The following HELLS variants were observed in gnomAD, a reference collection of about 807,000 sequenced individuals.
HELLS encodes helicase, lymphoid specific.
A neutral mutation model predicts 120.0 loss-of-function variants in HELLS; 32 were observed. The ratio of observed to expected loss-of-function variants is 0.27; its 90% CI spans 0.20 to 0.36. HELLS has a LOEUF of 0.36. HELLS is among the 10% of genes least tolerant of loss of function. HELLS has a pLI of 1.00. For synonymous variants in HELLS, 341 were observed against 323.4 expected (o/e 1.05, Z -0.58); for missense variants, 650 against 993.4 (o/e 0.65, Z 4.65).
intron 9 of HELLS, among the ~76,000 whole-genome samples, chr10:94,576,261 A>G (rs1198465214): frequency 6.6e-6 from 1 of 152,104 alleles, no homozygotes; most frequent in African/African-American, 2.4e-5. Context: ...TGAACCTCCC[A>G]TCTCACTCCA....
chr10:94,547,809 T>C (rs896133563), intron 2 of HELLS, among the ~76,000 whole-genome samples: 11 of 152,214 alleles, frequency 7.2e-5, no homozygotes, highest in African/African-American at 1.7e-4. Flanking sequence ...GTGTAGGCCA[T>C]GTGGTTCTAG....
At chr10:94,583,085 TA>T in intron 12 of HELLS, 26 bp downstream of exon 12, 1 of 1,351,714 alleles carries the variant, frequency 7.4e-7, no homozygotes, top group Non-Finnish European at 1.0e-6. Flanking sequence ...TTATTCTGCT[TA>T]ACCATAGGCT....
chr10:94,595,094 G>C (rs1021058410), intron 19 of HELLS, among the ~76,000 whole-genome samples: 2 of 151,506 alleles, frequency 1.3e-5, no homozygotes, highest in African/African-American at 4.9e-5. Context: ...TGGGCTCGGT[G>C]GCGGGCGCCT....
Position 94,576,666 on chromosome 10 carries a change from C to T in HELLS, c.893C>T (p.Pro298Leu), listed in dbSNP as rs886158385. ...AATCAATATAAAATTTTTCAGATCCCTACAATGTTATATCATGGAACCCAG... is the reference window on the plus strand; with the variant it reads ...AATCAATATAAAATTTTTCAGATCCTTACAATGTTATATCATGGAACCCAG... ...AEFKRFTPDI[P>L]TMLYHGTQEE... The change falls in exon 10 of 22, where the codon CCT becomes CTT. Residue 298 changes from proline to leucine, a missense_variant. Physicochemically the swap from Pro to Leu is moderately conservative, Grantham distance 98. Transcript: ENST00000348459. 1 of 1,580,512 alleles carries T rather than the reference C, an allele frequency of 6.3e-7. No homozygotes were observed. Among genetic ancestry groups the T allele is most frequent in the Non-Finnish European group, 8.6e-7 (1 of 1,157,160 alleles).
At chr10:94,573,237 C>A (rs889488783) in intron 7 of HELLS, among the ~76,000 whole-genome samples, 2 of 152,124 alleles carry the variant, frequency 1.3e-5, no homozygotes, top group African/African-American at 4.8e-5. Context: ...GGATTACAGG[C>A]GTGAGCCACC....
At chr10:94,554,525 T>C (rs954590444) in intron 3 of HELLS, among the ~76,000 whole-genome samples, 2 of 152,204 alleles carry the variant, frequency 1.3e-5, no homozygotes, top group Non-Finnish European at 2.9e-5. Context: ...AGTATTGTTT[T>C]TTCCTAGAAA....
At chr10:94,552,268 A>G (rs903287646) in intron 2 of HELLS, among the ~76,000 whole-genome samples, 3 of 152,216 alleles carry the variant, frequency 2.0e-5, no homozygotes, top group Non-Finnish European at 2.9e-5. Context: ...AAACATATCT[A>G]CTATCTAATC....
intron 6 of HELLS, among the ~76,000 whole-genome samples, chr10:94,568,649 T>C (rs1198957643): frequency 6.6e-6 from 1 of 152,212 alleles, no homozygotes; most frequent in African/African-American, 2.4e-5. Context: ...CATTACTTTT[T>C]ATGGTTTCAC....
intron 6 of HELLS, among the ~76,000 whole-genome samples, chr10:94,568,185 G>T (rs970253621): frequency 6.6e-6 from 1 of 151,100 alleles, no homozygotes; most frequent in Non-Finnish European, 1.5e-5. Context: ...TGGGATTACA[G>T]GCGTGAGCCA....
At chr10:94,591,205 T>C (rs961684210) in intron 15 of HELLS, among the ~76,000 whole-genome samples, 10 of 152,224 alleles carry the variant, frequency 6.6e-5, no homozygotes, top group African/African-American at 2.4e-4. Flanking sequence ...GTAATTGATT[T>C]GTACTCTGCA....
chr10:94,573,108 T>C (rs909231231), intron 7 of HELLS, among the ~76,000 whole-genome samples: 23 of 151,878 alleles, frequency 1.5e-4, no homozygotes, highest in Admixed American at 1.1e-3. Context: ...AACAGGCTCA[T>C]GCCACCATGT....
intron 9 of HELLS, among the ~76,000 whole-genome samples, chr10:94,609,225 G>A (rs1484764506): frequency 2.0e-5 from 3 of 151,902 alleles, no homozygotes; most frequent in African/African-American, 4.8e-5. Flanking sequence ...GTTTCTCCAT[G>A]TTGGTCAGGC....
At chr10:94,590,247 C>G (rs1845415440) in intron 13 of HELLS, among the ~76,000 whole-genome samples, 166 bp from the exon 14 acceptor site, 1 of 152,182 alleles carries the variant, frequency 6.6e-6, no homozygotes, top group Non-Finnish European at 1.5e-5. Context: ...CTTCCTCTTA[C>G]TTTCAGATAT....
At chr10:94,607,039 T>C (rs1846136766), downstream of HELLS, among the ~76,000 whole-genome samples, 1 of 152,212 alleles carries the variant, frequency 6.6e-6, no homozygotes, top group African/African-American at 2.4e-5. Flanking sequence ...ATTAGAGATT[T>C]TACTGTTCAA....
chr10:94,595,623 T>G (rs1322100788), intron 19 of HELLS, among the ~76,000 whole-genome samples: 1 of 152,198 alleles, frequency 6.6e-6, no homozygotes, highest in Non-Finnish European at 1.5e-5. Context: ...CAACAATGCT[T>G]TTTAATCTAG....
chr10:94,582,365 T>C (rs1453174342), intron 11 of HELLS, among the ~76,000 whole-genome samples: 1 of 152,156 alleles, frequency 6.6e-6, no homozygotes, highest in Non-Finnish European at 1.5e-5. Context: ...TTGAACATGC[T>C]TCTGGTGATC....
rs1300735603 is a variant in HELLS, at chr10:94,590,498, C to G, written c.1574C>G (p.Pro525Arg). Residue 525 changes from proline to arginine, a missense_variant, in exon 14 of 22, where the codon CCT becomes CGT. Around this residue, in one of 9 missense-constraint regions of HELLS, gnomAD observed 191 missense variants for 259.7 expected, o/e 0.74. Coordinates refer to ENST00000348459, the MANE Select transcript of HELLS (RefSeq NM_018063.5). ...AATTACAGCAAAATAGATGATTTCC[C>G]TAATGAATTGGAAAAACTGATCAGT... ...SINYSKIDDF[P>R]NELEKLISQI... The G allele has an allele frequency of 1.9e-6, 3 of 1,611,588 alleles. No homozygotes were observed. The highest frequency in any genetic ancestry group is 2.5e-6 in the Non-Finnish European group (3 of 1,179,448).
At chr10:94,605,643 C>CTTTTTT (rs1206815493), downstream of HELLS, among the ~76,000 whole-genome samples, 1 of 125,104 alleles carries the variant, frequency 8.0e-6, no homozygotes, top group Non-Finnish European at 1.7e-5. Flanking sequence ...TTAATGGTTC[C>CTTTTTT]TTTTTTTTTT....
Position 94,609,628 on chromosome 10 carries a change from G to A in HELLS, c.*2-225G>A, listed in dbSNP as rs554569155. Among the ~76,000 whole-genome samples the A allele has an allele frequency of 7.9e-5, 12 of 152,266 alleles. No individual in the cohort carries two copies. In the East Asian group the frequency reaches 2.3e-3, roughly 29 times the overall value. ...ACTGTACTTGAGTTAGGATTTGGAA[G>A]TGCCACTGAACACTAAAATTATTCT... On this transcript the variant is annotated intron_variant, in intron 9 of 9. Coordinates refer to the HELLS transcript ENST00000371327.
Sources: allele counts gnomAD v4.1 joint callset (sites outside exome capture counted in the v4.1 genomes callset), GRCh38; gene constraint gnomAD v4.1.1; regional missense constraint gnomAD v4.1.1; transcripts MANE v1.5; gene names NCBI Gene and HGNC (gene_info 2026-07-23, HGNC 2026-07-21).